Variants in GPHN observed in about 807,000 individuals in gnomAD.
The protein encoded by GPHN is gephyrin.
GPHN carries 17 observed loss-of-function variants against 95.5 expected under a neutral mutation model. The observed-to-expected ratio is 0.18, with a 90% confidence interval of 0.12 to 0.27. The LOEUF (loss-of-function observed/expected upper bound fraction) is 0.27. GPHN is among the 10% of genes least tolerant of loss of function. The pLI is 1.00. For synonymous variants in GPHN, 320 were observed against 322.5 expected (o/e 0.99, Z 0.08); for missense variants, 660 against 978.1 (o/e 0.67, Z 4.34).
At chr14:66,840,408 A>T (rs1256645276) in intron 4 of GPHN, among the ~76,000 whole-genome samples, 1 of 152,156 alleles carries the variant, frequency 6.6e-6, no homozygotes, top group East Asian at 1.9e-4. Context: ...TCTTTGCTCA[A>T]ATTTTAGTTA....
the GPHN span, among the ~76,000 whole-genome samples, chr14:67,461,832 T>C: frequency 1.3e-5 from 2 of 152,236 alleles, no homozygotes; most frequent in African/African-American, 4.8e-5. Context: ...AAAATAACAC[T>C]AAATAACACC....
At chr14:66,932,444 G>GTT (rs35159325) in intron 8 of GPHN, among the ~76,000 whole-genome samples, 1,702 of 24,342 alleles carry the variant, frequency 0.07, 652 homozygotes, top group East Asian at 0.22. Context: ...CCAAGACCAG[G>GTT]TTTTTTTTTT....
the GPHN span, among the ~76,000 whole-genome samples, chr14:67,489,002 A>G: frequency 6.6e-6 from 1 of 151,958 alleles, no homozygotes; most frequent in Non-Finnish European, 1.5e-5. Flanking sequence ...GACACTCCCT[A>G]TCCCCCAAGA....
At chr14:67,453,104 C>T in the GPHN span, among the ~76,000 whole-genome samples, 1 of 152,206 alleles carries the variant, frequency 6.6e-6, no homozygotes, top group South Asian at 2.1e-4. Flanking sequence ...CATGTCGCCC[C>T]AGGAAGGGGT....
the GPHN span, chr14:67,338,681 C>T: frequency 1.2e-6 from 2 of 1,614,018 alleles, no homozygotes; most frequent in Non-Finnish European, 1.7e-6. Context: ...GCTCCAACAC[C>T]TCTCCAGCTG....
At chr14:67,578,421 G>A in the GPHN span, 1 of 864,554 alleles carries the variant, frequency 1.2e-6, no homozygotes, top group South Asian at 1.5e-5. The surrounding 1 kb of genome is among the most constrained non-coding windows in gnomAD (Gnocchi z 5.0). Context: ...CCCAGAGCAA[G>A]TTGGGGGCTC....
intron 5 of GPHN, among the ~76,000 whole-genome samples, chr14:66,883,143 A>G (rs902549610): frequency 3.3e-5 from 5 of 151,774 alleles, no homozygotes; most frequent in Non-Finnish European, 7.4e-5. Flanking sequence ...TGCTGCTCCT[A>G]TGACATGAAT....
chr14:67,095,284 G>A (rs1178980601), intron 12 of GPHN, among the ~76,000 whole-genome samples: 1 of 152,154 alleles, frequency 6.6e-6, no homozygotes, highest in East Asian at 1.9e-4. Flanking sequence ...CCATGGACCA[G>A]CAGCCTCAGC....
chr14:67,370,557 G>A, the GPHN span, among the ~76,000 whole-genome samples: 2 of 152,104 alleles, frequency 1.3e-5, no homozygotes, highest in African/African-American at 4.8e-5. Flanking sequence ...GACATTAAAA[G>A]GCTAATAAGG....
At chr14:67,103,511 C>CT in intron 13 of GPHN, among the ~76,000 whole-genome samples, 6,282 of 53,456 alleles carry the variant, frequency 0.12, 662 homozygotes, top group Non-Finnish European at 0.13. Flanking sequence ...GTTTCTTTCT[C>CT]TTTTTTTTTT....
the GPHN span, chr14:67,338,765 G>A: frequency 6.2e-7 from 1 of 1,608,500 alleles, no homozygotes; most frequent in Non-Finnish European, 8.5e-7. Flanking sequence ...TCTTTAACCT[G>A]TAAAATACAG....
the GPHN span, chr14:67,292,706 A>T: frequency 1.9e-6 from 3 of 1,613,346 alleles, no homozygotes; most frequent in Non-Finnish European, 2.5e-6. Context: ...AACGCACAAG[A>T]TCTTGCTCAA....
At chr14:67,575,939 C>T in the GPHN span, 1 of 1,613,944 alleles carries the variant, frequency 6.2e-7, no homozygotes, top group Non-Finnish European at 8.5e-7. Context: ...CCTCCCACTG[C>T]ACCCTGGTGA....
intron 8 of GPHN, among the ~76,000 whole-genome samples, chr14:66,952,080 A>T (rs1465782187): frequency 6.6e-6 from 1 of 152,194 alleles, no homozygotes; most frequent in African/African-American, 2.4e-5. Context: ...AAAGTGTGTG[A>T]TTCAGTGACT....
At chr14:67,551,603 C>T in the GPHN span, among the ~76,000 whole-genome samples, 2 of 152,062 alleles carry the variant, frequency 1.3e-5, no homozygotes, top group South Asian at 2.1e-4. Flanking sequence ...TGCAAGGCAG[C>T]GGTAATAATG....
chr14:66,529,971 C>G (rs2058849569), intron 1 of GPHN, among the ~76,000 whole-genome samples: 1 of 152,186 alleles, frequency 6.6e-6, no homozygotes, highest in African/African-American at 2.4e-5. Flanking sequence ...AGAGCTCAAG[C>G]ACTGTGCTGG....
the GPHN span, chr14:67,580,089 C>T: frequency 7.5e-6 from 4 of 535,264 alleles, no homozygotes; most frequent in Non-Finnish European, 1.0e-5. Context: ...GAGACAAGAT[C>T]GCTACACACC....
the GPHN span, among the ~76,000 whole-genome samples, chr14:67,455,481 T>G: frequency 6.6e-6 from 1 of 152,250 alleles, no homozygotes; most frequent in African/African-American, 2.4e-5. Flanking sequence ...CAGATGCTCC[T>G]AGAACTATGT....
chr14:66,747,885 A>G (rs2058215881), intron 2 of GPHN, among the ~76,000 whole-genome samples: 1 of 152,098 alleles, frequency 6.6e-6, no homozygotes, highest in Non-Finnish European at 1.5e-5. Context: ...TAAATGCCAA[A>G]TTATTTACTT....
Sources: gnomAD v4.1 joint callset for allele counts (sites outside exome capture counted in the v4.1 genomes callset) on GRCh38, gnomAD v4.1.1 for gene constraint, Gnocchi (gnomAD v3.1) non-coding constraint, MANE v1.5 for transcripts, NCBI Gene and HGNC (gene_info 2026-07-23, HGNC 2026-07-21) for gene names.